Variants in FHAD1 observed in about 807,000 individuals in gnomAD.
FHAD1 encodes the protein forkhead-associated domain-containing protein 1.
Under a neutral mutation model 191.3 loss-of-function variants are expected in FHAD1, and 146 were observed. The ratio of observed to expected loss-of-function variants is 0.76; its 90% CI spans 0.67 to 0.88. FHAD1 has a LOEUF of 0.88. Ranked by LOEUF, FHAD1 falls within the 40% of genes least tolerant of loss-of-function variation. The pLI is 0.00. For missense variants in FHAD1, 1,635 were observed against 1,785.8 expected (o/e 0.92, Z 1.52); for synonymous variants, 616 against 672.3 (o/e 0.92, Z 1.29).
chr1:15,397,531 T>C lies in FHAD1; in HGVS notation c.*118T>C. On this transcript the variant is annotated 3_prime_UTR_variant, in exon 34 of 34. Coordinates refer to ENST00000688493, the MANE Select transcript of FHAD1 (RefSeq NM_001391957.1). Reference sequence around the variant, plus strand: ...AAGTCTTTAAAGATTGTTACCCTAGTGTTTCATTTCCTAGACCAGTATTTT... The same window carrying C: ...AAGTCTTTAAAGATTGTTACCCTAGCGTTTCATTTCCTAGACCAGTATTTT... 2.0e-6 allele frequency: 1 copy of C among 497,208 alleles called. No homozygotes were observed. 30.8% of individuals were successfully genotyped at this position (497,208 alleles called of 1,614,324 possible). A position where few individuals can be genotyped will look rare whatever the true frequency, so the allele number is the denominator to read the frequency against.
At chr1:15,251,971 G>C (rs1646831808) in intron 2 of FHAD1, 94 bp downstream of exon 2, 1 of 1,029,692 alleles carries the variant, frequency 9.7e-7, no homozygotes, top group Non-Finnish European at 1.4e-6. Context: ...CCAGTCTCTT[G>C]TACACCACAA....
chr1:15,274,936 C>T (rs1657667978), intron 3 of FHAD1, among the ~76,000 whole-genome samples: 1 of 152,176 alleles, frequency 6.6e-6, no homozygotes, highest in Non-Finnish European at 1.5e-5. Flanking sequence ...GCAGCAGTAT[C>T]ATCAACTGGT....
intron 2 of FHAD1, among the ~76,000 whole-genome samples, chr1:15,266,087 T>C (rs1442980289): frequency 6.6e-6 from 1 of 152,108 alleles, no homozygotes; most frequent in Non-Finnish European, 1.5e-5. Flanking sequence ...TATGTTTTCA[T>C]GTTTATTTAA....
At chr1:15,347,862 T>C (rs868697186) in intron 18 of FHAD1, among the ~76,000 whole-genome samples, 8 of 152,262 alleles carry the variant, frequency 5.3e-5, no homozygotes, top group Non-Finnish European at 7.3e-5. Flanking sequence ...CCCCATTATC[T>C]GTTGTGAACT....
chr1:15,258,703 A>C (rs1352952636), intron 2 of FHAD1, among the ~76,000 whole-genome samples: 5 of 151,736 alleles, frequency 3.3e-5, no homozygotes, highest in Admixed American at 2.0e-4. Flanking sequence ...CTCCTGCCTC[A>C]GCCTCCTGAG....
chr1:15,345,307 C>A (rs1037528936), intron 17 of FHAD1, 109 bp from the exon 18 acceptor site: 1 of 1,339,802 alleles, frequency 7.5e-7, no homozygotes, highest in South Asian at 1.3e-5. Flanking sequence ...TGTCCACAGT[C>A]CCCTAGGGAG....
rs1439371280 is a variant in FHAD1, at chr1:15,312,076, T to A, written c.1040-981T>A. On this transcript the variant is annotated intron_variant, in intron 7 of 33. Transcript: ENST00000688493. This position sits in a 1 kb window ranked among gnomAD's most constrained non-coding sequence, Gnocchi z 4.7. ...GGCGGTTGGCTTTCCCCAGACTGAG[T>A]GATCCAAGGAGAGCAAAGAAGAAAC... The A allele has an allele frequency of 6.6e-6, 1 of 152,182 alleles. No individual in the cohort carries two copies. The highest frequency in any genetic ancestry group is 1.5e-5 in the Non-Finnish European group (1 of 68,070). 9.4% of individuals were successfully genotyped at this position (152,182 alleles called of 1,614,324 possible). A position where few individuals can be genotyped will look rare whatever the true frequency, so the allele number is the denominator to read the frequency against.
intron 5 of FHAD1, among the ~76,000 whole-genome samples, chr1:15,299,409 A>G (rs1180477129): frequency 6.6e-6 from 1 of 152,206 alleles, no homozygotes; most frequent in Non-Finnish European, 1.5e-5. Flanking sequence ...ATGTTGGAAA[A>G]CATGACTGTA....
chr1:15,367,414 T>C, intron 24 of FHAD1, 49 bp from the exon 25 acceptor site: 2 of 1,532,536 alleles, frequency 1.3e-6, no homozygotes, highest in Non-Finnish European at 1.8e-6. Context: ...GAGAATCACT[T>C]GAACCCGGGA....
intron 14 of FHAD1, among the ~76,000 whole-genome samples, chr1:15,339,021 A>G (rs1013638941): frequency 1.3e-5 from 2 of 152,032 alleles, no homozygotes; most frequent in Non-Finnish European, 2.9e-5. Context: ...CTTTATTTTT[A>G]TTTTTATTTT....
chr1:15,297,033 A>G (rs1444841748), intron 5 of FHAD1, among the ~76,000 whole-genome samples: 3 of 152,254 alleles, frequency 2.0e-5, no homozygotes, highest in Non-Finnish European at 4.4e-5. Context: ...TCATTCACTC[A>G]TTTAATCTTT....
At chr1:15,261,291 C>CAG (rs1312589094) in intron 2 of FHAD1, among the ~76,000 whole-genome samples, 1 of 152,102 alleles carries the variant, frequency 6.6e-6, no homozygotes, top group Non-Finnish European at 1.5e-5. Context: ...ATGACGGGCA[C>CAG]AGAGGGTGGG....
intron 6 of FHAD1, among the ~76,000 whole-genome samples, chr1:15,303,341 C>G (rs1669416622): frequency 6.6e-6 from 1 of 152,214 alleles, no homozygotes; most frequent in Admixed American, 6.5e-5. Context: ...TCTTTCTCTT[C>G]TCATCTGAAC....
chr1:15,331,442 G>A (rs951389954), intron 14 of FHAD1, among the ~76,000 whole-genome samples: 2 of 150,538 alleles, frequency 1.3e-5, no homozygotes, highest in South Asian at 2.1e-4. Flanking sequence ...ACGGACGGGT[G>A]GAAGAAAGAA....
In FHAD1 at chr1:15,365,890, G is replaced by A. The variant is rs1390644690; in HGVS notation, c.3111G>A (p.Arg1037=). The change falls in exon 24 of 34, where the codon AGG becomes AGA. Residue 1037 remains arginine, a synonymous_variant. Transcript: ENST00000688493. ...AGCAGGAAGTCATCATGAAGTTAAG[G>A]AAAGACCTTACCGAAGCCCACAGCA... ...LSQQEVIMKL[R]KDLTEAHSRM... 2.4e-5 allele frequency: 38 copies of A among 1,551,568 alleles called. No individual in the cohort carries two copies. The highest frequency in any genetic ancestry group is 3.3e-5 in the Non-Finnish European group (38 of 1,146,886).
chr1:15,283,954 GCTCC>G (rs1461050668), intron 3 of FHAD1, among the ~76,000 whole-genome samples: 1 of 152,194 alleles, frequency 6.6e-6, no homozygotes. Context: ...TGACCTGGAA[GCTCC>G]AGGGGCACAG....
chr1:15,389,595 C>G (rs1400778675), intron 32 of FHAD1, among the ~76,000 whole-genome samples: 2 of 150,846 alleles, frequency 1.3e-5, no homozygotes, highest in Non-Finnish European at 2.9e-5. Flanking sequence ...GCTGCAGGCT[C>G]CAGGCCTTCT....
At chr1:15,373,436 C>T (rs1438500399) in intron 26 of FHAD1, among the ~76,000 whole-genome samples, 4 of 151,032 alleles carry the variant, frequency 2.6e-5, no homozygotes, top group African/African-American at 4.9e-5. Context: ...CGCTTGAACC[C>T]GGGAGGTGGA....
chr1:15,355,450 A>G (rs1224033172), intron 20 of FHAD1, among the ~76,000 whole-genome samples: 1 of 152,102 alleles, frequency 6.6e-6, no homozygotes, highest in East Asian at 1.9e-4. Context: ...GGGAGAGAGG[A>G]GAGAGGAAAG....
Sources: allele counts gnomAD v4.1 joint callset (sites outside exome capture counted in the v4.1 genomes callset), GRCh38; gene constraint gnomAD v4.1.1; non-coding constraint Gnocchi (gnomAD v3.1); transcripts MANE v1.5; gene names NCBI Gene and HGNC (gene_info 2026-07-23, HGNC 2026-07-21).